The following ST6GAL1 variants were observed in gnomAD, a reference collection of about 807,000 sequenced individuals.
ST6GAL1 encodes the protein ST6 beta-galactoside alpha-2,6-sialyltransferase 1.
Under a neutral mutation model 38.0 loss-of-function variants are expected in ST6GAL1, and 20 were observed. The observed-to-expected ratio is 0.53, with a 90% CI of 0.37 to 0.77. ST6GAL1 has a LOEUF of 0.77. ST6GAL1 is among the 30% of genes least tolerant of loss of function. The probability of loss-of-function intolerance (pLI) is 0.00; values close to 1 mark genes in which losing one functional copy is unlikely to be tolerated. For synonymous variants in ST6GAL1, 196 were observed against 188.2 expected (o/e 1.04, Z -0.34); for missense variants, 432 against 496.4 (o/e 0.87, Z 1.23).
intron 2 of ST6GAL1, among the ~76,000 whole-genome samples, chr3:186,973,367 A>AG (rs2108532983): frequency 6.6e-6 from 1 of 152,272 alleles, no homozygotes; most frequent in Non-Finnish European, 1.5e-5. Flanking sequence ...CTGTGCACTC[A>AG]GGGCTGGCTC....
chr3:187,045,614 G>A (rs1272818582), intron 4 of ST6GAL1, among the ~76,000 whole-genome samples: 1 of 152,198 alleles, frequency 6.6e-6, no homozygotes, highest in Non-Finnish European at 1.5e-5. Context: ...AGCTAAATGC[G>A]GAGGCTCAAG....
At chr3:186,998,829 G>GT (rs1337217427) in intron 2 of ST6GAL1, among the ~76,000 whole-genome samples, 8 of 152,210 alleles carry the variant, frequency 5.3e-5, no homozygotes, top group Non-Finnish European at 1.0e-4. Flanking sequence ...GCTAGTGGCT[G>GT]TTGCATTGTG....
intron 2 of ST6GAL1, among the ~76,000 whole-genome samples, chr3:186,973,849 A>G (rs1217159155): frequency 1.7e-4 from 26 of 152,146 alleles, no homozygotes. Flanking sequence ...TCAGCATTCA[A>G]TCGACTTTTT....
intron 2 of ST6GAL1, among the ~76,000 whole-genome samples, chr3:187,027,249 A>G (rs1173361534): frequency 1.3e-5 from 2 of 152,096 alleles, no homozygotes; most frequent in Non-Finnish European, 2.9e-5. Context: ...TACTTTTCTC[A>G]TCTTGCATCT....
intron 5 of ST6GAL1, among the ~76,000 whole-genome samples, chr3:187,062,427 A>G (rs1366486346): frequency 6.6e-6 from 1 of 152,182 alleles, no homozygotes; most frequent in Non-Finnish European, 1.5e-5. Flanking sequence ...CTGCAGAAGG[A>G]ACCCAAGTGT....
chr3:187,030,320 T>G (rs144550769), intron 2 of ST6GAL1, among the ~76,000 whole-genome samples: 2 of 152,306 alleles, frequency 1.3e-5, no homozygotes, highest in East Asian at 3.9e-4. Flanking sequence ...ACAAATAGCA[T>G]GTGTTAGAGG....
chr3:187,002,252 T>C (rs1307543643), intron 2 of ST6GAL1, among the ~76,000 whole-genome samples: 1 of 152,234 alleles, frequency 6.6e-6, no homozygotes, highest in Admixed American at 6.5e-5. Flanking sequence ...CATATACTTA[T>C]TAGTTTAGTG....
chr3:186,939,685 C>T (rs1714094109), intron 1 of ST6GAL1, among the ~76,000 whole-genome samples: 1 of 152,198 alleles, frequency 6.6e-6, no homozygotes, highest in Non-Finnish European at 1.5e-5. Flanking sequence ...CAGTTTAGGT[C>T]CCTGACTGCC....
At chr3:186,988,947 C>A (rs35397933) in intron 2 of ST6GAL1, among the ~76,000 whole-genome samples, 9,987 of 151,960 alleles carry the variant, frequency 0.066, 430 homozygotes, top group Non-Finnish European at 0.095. Context: ...CAAACCAAAC[C>A]AAACAAAACA....
At chr3:187,008,159 G>T (rs566065861) in intron 2 of ST6GAL1, among the ~76,000 whole-genome samples, 5 of 152,022 alleles carry the variant, frequency 3.3e-5, no homozygotes, top group Admixed American at 6.6e-5. Flanking sequence ...AAAGAAAAAC[G>T]TATCTTCACA....
chr3:186,965,091 C>T (rs1474677434), intron 2 of ST6GAL1, among the ~76,000 whole-genome samples: 1 of 152,176 alleles, frequency 6.6e-6, no homozygotes, highest in Non-Finnish European at 1.5e-5. Context: ...GGCTGCATTT[C>T]CCCCTTTGGC....
At chr3:187,051,478 C>A in intron 5 of ST6GAL1, 132 bp downstream of exon 5, 1 of 736,404 alleles carries the variant, frequency 1.4e-6, no homozygotes, top group Non-Finnish European at 2.3e-6. Flanking sequence ...CCTGATTCCT[C>A]ACTGGAGAAG....
chr3:186,987,158 G>T (rs1715956519), intron 2 of ST6GAL1, among the ~76,000 whole-genome samples: 2 of 112,978 alleles, frequency 1.8e-5, no homozygotes, highest in African/African-American at 3.3e-5. Context: ...GGGAGGGAGG[G>T]AGGAAGAAAG....
At chr3:187,055,482 TC>T (rs921606479) in intron 5 of ST6GAL1, among the ~76,000 whole-genome samples, 4 of 152,352 alleles carry the variant, frequency 2.6e-5, no homozygotes, top group African/African-American at 9.6e-5. Context: ...TTTAAATGTG[TC>T]CCAGACATTC....
rs547760675 is a variant in ST6GAL1 at position 186,946,786 on chromosome 3, G to A, written c.-325+15952G>A. ...TCAGACCACTGAAGCTATTCTGAAAGGCACCATTAAAAACTGGTTCCTGGG... is the reference window on the plus strand; with the variant it reads ...TCAGACCACTGAAGCTATTCTGAAAAGCACCATTAAAAACTGGTTCCTGGG... On this transcript the variant is annotated intron_variant, in intron 1 of 7. Coordinates refer to ENST00000169298, the MANE Select transcript of ST6GAL1 (RefSeq NM_173216.2). Among the ~76,000 whole-genome samples the A allele has an allele frequency of 4.6e-5, 7 of 152,264 alleles. No individual in the cohort carries two copies. The Middle Eastern group carries it at 0.02, about 444-fold the overall frequency.
intron 2 of ST6GAL1, among the ~76,000 whole-genome samples, chr3:186,987,198 G>GGAGGGAGGGAA (rs1560152264): frequency 2.4e-5 from 3 of 126,838 alleles, no homozygotes; most frequent in Non-Finnish European, 5.0e-5. Flanking sequence ...GAGGGAGGGA[G>GGAGGGAGGGAA]GGAAGGAAAG....
chr3:186,974,529 T>A lies in ST6GAL1; in HGVS notation c.-183+10603T>A, dbSNP rs1715456750. On this transcript the variant is annotated intron_variant, in intron 2 of 7. Transcript: ENST00000169298. ...ATGTTAAGTATACAATTCAGTGATT[T>A]TTTTTAGTAAACTTACTGAGCTGTG... Among the ~76,000 whole-genome samples the A allele has an allele frequency of 3.9e-5, 6 of 152,326 alleles. No homozygotes were observed. In the South Asian group the frequency reaches 1.2e-3, roughly 32 times the overall value.
Position 187,075,433 on chromosome 3 carries a change from G to C in ST6GAL1, c.980-129G>C, listed in dbSNP as rs1719525871. On this transcript the variant is annotated intron_variant, in intron 7 of 7. Transcript: ENST00000169298. This position sits in a 1 kb window ranked among gnomAD's most constrained non-coding sequence, Gnocchi z 4.1. The stretch of plus-strand genomic sequence containing the variant: ...GCTGAAACTTAGATTGGGAATCACA[G>C]TCATAAATAGAAACTCCAGAGGGAA... The C allele has an allele frequency of 7.2e-7, 1 of 1,387,588 alleles. No individual in the cohort carries two copies. The highest frequency in any genetic ancestry group is 2.1e-5 in the Admixed American group (1 of 47,232). 86.0% of individuals were successfully genotyped at this position (1,387,588 alleles called of 1,614,324 possible). A position where few individuals can be genotyped will look rare whatever the true frequency, so the allele number is the denominator to read the frequency against.
At chr3:186,987,182 G>GGGAGGGAGGGAGGGAA (rs1553821946) in intron 2 of ST6GAL1, among the ~76,000 whole-genome samples, 1 of 113,734 alleles carries the variant, frequency 8.8e-6, no homozygotes, top group Non-Finnish European at 1.8e-5. Context: ...AAGAGAGACA[G>GGGAGGGAGGGAGGGAA]GGAGGGAGGG....
Sources: gnomAD v4.1 joint callset for allele counts (sites outside exome capture counted in the v4.1 genomes callset) on GRCh38, gnomAD v4.1.1 for gene constraint, Gnocchi (gnomAD v3.1) non-coding constraint, MANE v1.5 for transcripts, NCBI Gene and HGNC (gene_info 2026-07-23, HGNC 2026-07-21) for gene names.